HMBOX1: variants seen among roughly 807,000 people sequenced by gnomAD.
HMBOX1 encodes the protein homeobox containing 1, also known as homeobox-containing protein 1.
HMBOX1 carries 14 observed loss-of-function variants against 54.5 expected under a neutral mutation model. That is an observed-to-expected ratio of 0.26 (90% CI 0.17 to 0.40). The LOEUF is 0.40. HMBOX1 is among the 10% of genes least tolerant of loss of function. HMBOX1 has a pLI of 1.00. For synonymous variants in HMBOX1, 160 were observed against 181.0 expected, an observed-to-expected ratio of 0.88 and a Z score of 0.93; for missense variants, 332 against 514.4, an observed-to-expected ratio of 0.65 and a Z score of 3.43.
At chr8:28,890,235 C>T, upstream of HMBOX1, 1 of 205,758 alleles carries the variant, frequency 4.9e-6, no homozygotes, top group Non-Finnish European at 1.0e-5. Flanking sequence ...GGCTCCGACT[C>T]CCCTTTCCCT....
At chr8:29,000,387 C>A (rs1415398350) in intron 4 of HMBOX1, among the ~76,000 whole-genome samples, 3 of 152,174 alleles carry the variant, frequency 2.0e-5, no homozygotes, top group Non-Finnish European at 2.9e-5. Flanking sequence ...ATGTGCACAG[C>A]CCTATACAAG....
intron 5 of HMBOX1, chr8:29,009,523 C>CTTTTTTTTTTTTTTTTTTTTTCTTATTT: frequency 2.2e-6 from 1 of 452,008 alleles, no homozygotes; most frequent in South Asian, 1.2e-4. Context: ...TTCCGTATCT[C>CTTTTTTTTTTTTTTTTTTTTTCTTATTT]TTTTTTTTTT....
chr8:28,997,505 C>T (rs1832042689), intron 4 of HMBOX1, among the ~76,000 whole-genome samples: 1 of 152,054 alleles, frequency 6.6e-6, no homozygotes, highest in African/African-American at 2.4e-5. Context: ...AGTTTGCTAG[C>T]ATTTTGTTGA....
At chr8:28,936,844 G>T (rs1301434581) in intron 1 of HMBOX1, among the ~76,000 whole-genome samples, 1 of 148,642 alleles carries the variant, frequency 6.7e-6, no homozygotes, top group Non-Finnish European at 1.5e-5. Context: ...TCAAAGAGTT[G>T]TGCTGAGGGT....
intron 4 of HMBOX1, among the ~76,000 whole-genome samples, chr8:29,002,385 A>G (rs1832789485): frequency 6.6e-6 from 1 of 152,228 alleles, no homozygotes; most frequent in Admixed American, 6.5e-5. Context: ...TTCAAAAGTC[A>G]TAGACCATCA....
chr8:28,949,292 T>A (rs1484276430), intron 1 of HMBOX1, among the ~76,000 whole-genome samples: 3 of 152,174 alleles, frequency 2.0e-5, no homozygotes, highest in Non-Finnish European at 2.9e-5. Flanking sequence ...TGGTATTTTT[T>A]AGCTACCTTG....
At chr8:28,948,411 G>A (rs1586015629) in intron 1 of HMBOX1, among the ~76,000 whole-genome samples, 1 of 152,168 alleles carries the variant, frequency 6.6e-6, no homozygotes, top group East Asian at 1.9e-4. Flanking sequence ...AAGTGCCTAT[G>A]TAGAGAGGAT....
At chr8:28,921,888 A>G (rs751201201) in intron 1 of HMBOX1, among the ~76,000 whole-genome samples, 1 of 152,238 alleles carries the variant, frequency 6.6e-6, no homozygotes, top group Admixed American at 6.5e-5. Context: ...AAGGTAGTAC[A>G]TACTAAGGTG....
At chr8:28,987,273 A>T (rs1830304387) in intron 4 of HMBOX1, among the ~76,000 whole-genome samples, 1 of 152,170 alleles carries the variant, frequency 6.6e-6, no homozygotes, top group Non-Finnish European at 1.5e-5. Context: ...TCCTAAGATT[A>T]TGGGGAAAAG....
In HMBOX1 at chr8:28,995,929, C is replaced by T. The variant is rs1039274299; in HGVS notation, c.587-13143C>T. On this transcript the variant is annotated intron_variant, in intron 4 of 9. Transcript: ENST00000287701. ...CATCCTGGCTAACATAGTGAAACCC[C>T]GTCTCTACTAAAAAAAAATACAAAA... Among the ~76,000 whole-genome samples the T allele has an allele frequency of 2.6e-5, 4 of 152,084 alleles. 1 individual carries two copies. The highest frequency in any genetic ancestry group is 4.1e-4 in the South Asian group (2 of 4,822).
intron 3 of HMBOX1, 79 bp from the exon 4 acceptor site, chr8:28,979,992 T>G: frequency 9.4e-7 from 1 of 1,060,318 alleles, no homozygotes; most frequent in East Asian, 2.4e-5. Context: ...CCCACCTCTC[T>G]GCTTCACCTT....
At chr8:28,946,173 G>A (rs1045750975) in intron 1 of HMBOX1, among the ~76,000 whole-genome samples, 1 of 151,660 alleles carries the variant, frequency 6.6e-6, no homozygotes, top group Non-Finnish European at 1.5e-5. Flanking sequence ...GGCTGGTCTC[G>A]AGCTCCTGAC....
At chr8:29,021,376 T>C (rs1801128445) in intron 6 of HMBOX1, among the ~76,000 whole-genome samples, 1 of 151,704 alleles carries the variant, frequency 6.6e-6, no homozygotes, top group Admixed American at 6.6e-5. Context: ...GATTGATAAA[T>C]ATGATTACAT....
At chr8:28,924,526 A>G (rs550235068) in intron 1 of HMBOX1, 2 of 149,708 alleles carry the variant, frequency 1.3e-5, no homozygotes, top group East Asian at 3.9e-4. Context: ...CTGATGTCAT[A>G]AAGATTTTCC....
intron 3 of HMBOX1, among the ~76,000 whole-genome samples, chr8:28,971,936 T>C (rs1337202524): frequency 1.3e-5 from 2 of 152,202 alleles, no homozygotes; most frequent in Non-Finnish European, 2.9e-5. Flanking sequence ...TACCTATAAG[T>C]ATCATTATAA....
intron 5 of HMBOX1, among the ~76,000 whole-genome samples, chr8:29,014,313 T>C (rs1834677121): frequency 6.6e-6 from 1 of 152,162 alleles, no homozygotes; most frequent in Non-Finnish European, 1.5e-5. Flanking sequence ...ACTTTTCCTG[T>C]TAGGACCTTA....
intron 9 of HMBOX1, chr8:29,050,652 A>G (rs1408616612): frequency 2.1e-5 from 4 of 187,942 alleles, no homozygotes; most frequent in South Asian, 2.5e-4. Flanking sequence ...GCTCACTAGT[A>G]TGGCCTTCAG....
At chr8:28,987,953 T>C (rs187108181) in intron 4 of HMBOX1, among the ~76,000 whole-genome samples, 1 of 152,332 alleles carries the variant, frequency 6.6e-6, no homozygotes, top group Admixed American at 6.5e-5. Flanking sequence ...TTTATTAAGA[T>C]AAAATTTACA....
intron 1 of HMBOX1, among the ~76,000 whole-genome samples, chr8:28,952,523 C>A: frequency 6.6e-6 from 1 of 152,114 alleles, no homozygotes; most frequent in Non-Finnish European, 1.5e-5. Context: ...CATTAGGCAC[C>A]GTGCCCAGCC....
Sources: allele counts gnomAD v4.1 joint callset (sites outside exome capture counted in the v4.1 genomes callset), GRCh38; gene constraint gnomAD v4.1.1; transcripts MANE v1.5; gene names NCBI Gene and HGNC (gene_info 2026-07-23, HGNC 2026-07-21).